Variants in RCBTB1 observed in about 807,000 individuals in gnomAD.
The protein encoded by RCBTB1 is RCC1 and BTB domain-containing protein 1.
Under a neutral mutation model 62.4 loss-of-function variants are expected in RCBTB1, and 46 were observed. That is an observed-to-expected ratio of 0.74 (90% CI 0.58 to 0.94). The LOEUF (loss-of-function observed/expected upper bound fraction) is 0.94. Ranked by LOEUF, RCBTB1 falls within the 40% of genes least tolerant of loss-of-function variation. RCBTB1 has a pLI of 0.00. For missense variants in RCBTB1, 565 were observed against 654.9 expected, an observed-to-expected ratio of 0.86 and a Z score of 1.50; for synonymous variants, 222 against 245.8, an observed-to-expected ratio of 0.90 and a Z score of 0.91.
intron 9 of RCBTB1, chr13:49,546,009 C>T: frequency 1.2e-6 from 1 of 831,300 alleles, no homozygotes; most frequent in Middle Eastern, 6.2e-4. Context: ...CTCCTGGCTA[C>T]AGAGGAAAGG....
At position 49,569,557 on chromosome 13, in the gene RCBTB1, C is replaced by CA. The variant is rs1038341291; in HGVS notation, c.-41-2238dup. ...TGAAACCCCATCTTTACTGAAAATA[C>CA]AAAAAAAATTAGCCTGGCGGTAGTG... On this transcript the variant is annotated intron_variant, in intron 2 of 12. Transcript: ENST00000378302. Among the ~76,000 whole-genome samples, 39 of 151,484 alleles carry CA rather than the reference C, an allele frequency of 2.6e-4. 1 individual carries two copies. Among genetic ancestry groups the CA allele is most frequent in the African/African-American group, 8.5e-4 (35 of 41,318 alleles).
intron 2 of RCBTB1, among the ~76,000 whole-genome samples, chr13:49,577,932 A>C (rs1963880412): frequency 2.0e-5 from 3 of 152,226 alleles, no homozygotes; most frequent in Admixed American, 2.0e-4. Context: ...AGGTTTCTCT[A>C]TTTTTGTAAA....
intron 12 of RCBTB1, among the ~76,000 whole-genome samples, chr13:49,535,519 T>G (rs1207120240): frequency 6.6e-6 from 1 of 152,152 alleles, no homozygotes; most frequent in Non-Finnish European, 1.5e-5. Flanking sequence ...ACATTTCAAC[T>G]GCAGGTTTTG....
chr13:49,545,013 G>A (rs781604758), intron 9 of RCBTB1, 150 bp from the exon 10 acceptor site: 29 of 540,984 alleles, frequency 5.4e-5, no homozygotes, highest in South Asian at 1.1e-4. Context: ...TCAATTCTAC[G>A]GTATTAAAGT....
At position 49,532,570 on chromosome 13, in the gene RCBTB1, A is replaced by G. The variant is rs534636863; in HGVS notation, c.*1552T>C. On this transcript the variant is annotated 3_prime_UTR_variant, in exon 13 of 13. Coordinates refer to ENST00000378302, the MANE Select transcript of RCBTB1 (RefSeq NM_018191.4). ...TAACCGACTAATTCACTGGGCTTCA[A>G]TCACTTGTGATATGGTCAAGAAAAG... 135 of 152,690 alleles carry G rather than the reference A, an allele frequency of 8.8e-4. No individual in the cohort carries two copies. The highest frequency in any genetic ancestry group is 9.4e-4 in the Non-Finnish European group (64 of 68,028). 9.5% of individuals were successfully genotyped at this position (152,690 alleles called of 1,614,324 possible).
rs961528747 is a variant in RCBTB1, at chr13:49,541,727, G to A, written c.1273C>T (p.Leu425Phe). The A allele has an allele frequency of 1.9e-6, 3 of 1,613,972 alleles. No individual in the cohort carries two copies. The highest frequency in any genetic ancestry group is 2.5e-6 in the Non-Finnish European group (3 of 1,180,016). Residue 425 changes from leucine (L) to phenylalanine (F), a missense_variant, in exon 11 of 13, where the codon CTC becomes TTC. Transcript: ENST00000378302. The stretch of plus-strand genomic sequence containing the variant: ...ACTGTGTCTGTGTAGAGGTACTGGA[G>A]AAAGGCACGATACACTGGGTAAGAA... ...QFSYPVYRAF[L>F]QYLYTDTVDL... is the part of the protein sequence containing the mutation.
At position 49,551,391 on chromosome 13, in the gene RCBTB1, C is replaced by T; in HGVS notation, c.789G>A (p.Gly263=). ...TATTTTTATTGCCAGTTCCCAGCTG[C>T]CCATATGTGTTAGCTCCCCAGGCAT... ...LLYAWGANTY[G]QLGTGNKNNL... The change falls in exon 8 of 13, where the codon GGG becomes GGA. Residue 263 remains glycine, a synonymous_variant. Coordinates refer to ENST00000378302, the MANE Select transcript of RCBTB1 (RefSeq NM_018191.4). 1 of 1,614,200 alleles carries T rather than the reference C, an allele frequency of 6.2e-7. No homozygotes were observed. Among genetic ancestry groups the T allele is most frequent in the Non-Finnish European group, 8.5e-7 (1 of 1,180,042 alleles).
chr13:49,534,040 T>A lies in RCBTB1; in HGVS notation c.*82A>T. 5 of 1,422,150 alleles carry A rather than the reference T, an allele frequency of 3.5e-6. No homozygotes were observed. In the South Asian group the frequency reaches 6.7e-5, roughly 19 times the overall value. The allele number at this position is 1,422,150 out of a possible 1,614,324, so 88.1% of individuals were successfully genotyped here. A position where few individuals can be genotyped will look rare whatever the true frequency, so the allele number is the denominator to read the frequency against. On this transcript the variant is annotated 3_prime_UTR_variant, in exon 13 of 13. Transcript: ENST00000378302. ...ACCTGATGGTCTTTTACCTGCAGAA[T>A]CACATCACCCGTAGAGCACAAACTG...
At chr13:49,552,498 T>A (rs1961462411) in intron 6 of RCBTB1, among the ~76,000 whole-genome samples, 1 of 152,082 alleles carries the variant, frequency 6.6e-6, no homozygotes, top group African/African-American at 2.4e-5. Context: ...AGTTAGATAG[T>A]CTGGGGCAAG....
chr13:49,546,138 C>A, intron 9 of RCBTB1: 1 of 985,278 alleles, frequency 1.0e-6, no homozygotes, highest in Non-Finnish European at 1.2e-6. Context: ...GCTACCCCCA[C>A]CCATCCAAAA....
chr13:49,581,056 A>G (rs1964065911), intron 1 of RCBTB1, among the ~76,000 whole-genome samples: 1 of 152,218 alleles, frequency 6.6e-6, no homozygotes, highest in Admixed American at 6.5e-5. Flanking sequence ...GAACTGAAAG[A>G]AAGTCAGCAT....
At chr13:49,549,787 C>T (rs926077724) in intron 8 of RCBTB1, 139 bp from the exon 9 acceptor site, 11 of 1,431,474 alleles carry the variant, frequency 7.7e-6, no homozygotes, top group Non-Finnish European at 1.0e-5. Context: ...TGCCAAGTCA[C>T]AGCAACAAAA....
chr13:49,538,685 C>T (rs760231312), intron 12 of RCBTB1, among the ~76,000 whole-genome samples: 5 of 151,804 alleles, frequency 3.3e-5, no homozygotes, highest in African/African-American at 7.3e-5. Flanking sequence ...CACTGTGCTT[C>T]AGCCTGGGCA....
At chr13:49,538,634 T>A (rs774924631) in intron 12 of RCBTB1, among the ~76,000 whole-genome samples, 1 of 152,028 alleles carries the variant, frequency 6.6e-6, no homozygotes, top group Non-Finnish European at 1.5e-5. Context: ...GAGGACTACT[T>A]GAGCCCAGGA....
intron 4 of RCBTB1, among the ~76,000 whole-genome samples, chr13:49,561,517 A>C (rs190817283): frequency 2.8e-4 from 43 of 152,378 alleles, no homozygotes; most frequent in African/African-American, 7.5e-4. Context: ...GGTGAAAGAA[A>C]TGTCCAAACT....
chr13:49,584,923 C>T (rs1215086140), intron 1 of RCBTB1, among the ~76,000 whole-genome samples: 2 of 152,144 alleles, frequency 1.3e-5, no homozygotes, highest in East Asian at 1.9e-4. Context: ...GAGTTCACCG[C>T]ACGCCTGGAT....
intron 2 of RCBTB1, among the ~76,000 whole-genome samples, chr13:49,578,044 T>C (rs1287591101): frequency 6.6e-6 from 1 of 152,152 alleles, no homozygotes; most frequent in African/African-American, 2.4e-5. Flanking sequence ...CTAAAGGGCC[T>C]TGGAAAAAAG....
chr13:49,578,422 T>C (rs1963913392), intron 2 of RCBTB1, among the ~76,000 whole-genome samples: 1 of 152,224 alleles, frequency 6.6e-6, no homozygotes, highest in Non-Finnish European at 1.5e-5. Flanking sequence ...TTTAATAGCA[T>C]ACATTAATTC....
intron 3 of RCBTB1, 137 bp downstream of exon 3, chr13:49,567,017 T>C: frequency 1.2e-6 from 1 of 822,656 alleles, no homozygotes; most frequent in Non-Finnish European, 1.9e-6. Context: ...AAAGAGAAAC[T>C]ATCAAAGCCA....
Sources: allele counts gnomAD v4.1 joint callset (sites outside exome capture counted in the v4.1 genomes callset), GRCh38; gene constraint gnomAD v4.1.1; transcripts MANE v1.5; gene names NCBI Gene and HGNC (gene_info 2026-07-23, HGNC 2026-07-21).